Variants in OCA2 observed in about 807,000 individuals in gnomAD.
The protein encoded by OCA2 is P protein.
In OCA2, 77 loss-of-function variants were observed where a neutral mutation model predicts 100.2. The ratio of observed to expected loss-of-function variants is 0.77; its 90% CI spans 0.64 to 0.93. The LOEUF is 0.93. OCA2 is among the 40% of genes least tolerant of loss of function. The probability of loss-of-function intolerance (pLI) is 0.00; values close to 1 mark genes in which losing one functional copy is unlikely to be tolerated. For synonymous variants in OCA2, 432 were observed against 439.2 expected (o/e 0.98, Z 0.21); for missense variants, 1,062 against 1,089.1 (o/e 0.98, Z 0.35).
At chr15:27,867,904 G>A (rs1397918251) in intron 21 of OCA2, among the ~76,000 whole-genome samples, 1 of 152,182 alleles carries the variant, frequency 6.6e-6, no homozygotes, top group African/African-American at 2.4e-5. Flanking sequence ...ATAAATAAAT[G>A]TGAAGCTCCT....
intron 1 of OCA2, 136 bp from the exon 2 acceptor site, chr15:28,082,031 G>T: frequency 1.4e-6 from 1 of 726,346 alleles, no homozygotes; most frequent in South Asian, 1.7e-5. Context: ...CCACGCAAGA[G>T]CATTTCACCC....
chr15:28,055,124 C>T (rs931412943), intron 2 of OCA2, among the ~76,000 whole-genome samples: 12 of 152,168 alleles, frequency 7.9e-5, no homozygotes, highest in African/African-American at 2.9e-4. Flanking sequence ...TGTCCACTTT[C>T]GTAACATGGG....
rs1265546727 is a variant in OCA2 at position 27,957,501 on chromosome 15, A to C, written c.1784+87T>G. On this transcript the variant is annotated intron_variant, in intron 16 of 23. Coordinates refer to ENST00000354638, the MANE Select transcript of OCA2 (RefSeq NM_000275.3). This position sits in a 1 kb window ranked among gnomAD's most constrained non-coding sequence, Gnocchi z 4.3. ...GTGCGTCACCTAAATATCACGTATT[A>C]GTATACAGCTAATGTCGCTATTTTG... The C allele has an allele frequency of 7.6e-6, 11 of 1,438,922 alleles. No individual in the cohort carries two copies. The highest frequency in any genetic ancestry group is 4.2e-5 in the African/African-American group (3 of 71,606). 89.1% of individuals were successfully genotyped at this position (1,438,922 alleles called of 1,614,324 possible).
At chr15:27,947,935 C>T (rs1480563199) in intron 18 of OCA2, among the ~76,000 whole-genome samples, 2 of 152,128 alleles carry the variant, frequency 1.3e-5, no homozygotes, top group South Asian at 2.1e-4. Flanking sequence ...TCAGGCTGTG[C>T]CCCAGGCTGG....
chr15:27,854,606 T>C (rs958446947), intron 21 of OCA2, among the ~76,000 whole-genome samples: 1 of 152,220 alleles, frequency 6.6e-6, no homozygotes, highest in Admixed American at 6.5e-5. Flanking sequence ...TGAGGCACTT[T>C]TCAAGCTTTG....
At position 28,081,764 on chromosome 15, in the gene OCA2, C is replaced by T. The variant is rs41309258; in HGVS notation, c.111G>A (p.Arg37=). 7 of 1,613,360 alleles carry T rather than the reference C, an allele frequency of 4.3e-6. No individual in the cohort carries two copies. The Admixed American group carries it at 1.2e-4, about 27-fold the overall frequency. ...CAGCTCCACCGGCTCCCCGAGGAAG[C>T]CTGCGCTTGCCGGCCACAAGTTCAG... The part of the protein sequence containing the change: ...GLAELVAGKR[R]LPRGAGGADP... Residue 37 remains arginine, a synonymous_variant, in exon 2 of 24, where the codon AGG becomes AGA. Coordinates refer to ENST00000354638, the MANE Select transcript of OCA2 (RefSeq NM_000275.3).
At chr15:28,072,129 A>C (rs1317622642) in intron 2 of OCA2, among the ~76,000 whole-genome samples, 2 of 149,814 alleles carry the variant, frequency 1.3e-5, no homozygotes, top group African/African-American at 4.9e-5. Context: ...GCACTTTGGG[A>C]GGCCGAAGCG....
chr15:27,722,666 C>T, the OCA2 span, among the ~76,000 whole-genome samples: 1,562 of 140,594 alleles, frequency 0.011, 24 homozygotes, highest in African/African-American at 0.039. Flanking sequence ...CTCTTTCTTT[C>T]CTTTCTTTTC....
intron 15 of OCA2, among the ~76,000 whole-genome samples, chr15:27,966,050 A>G (rs1284504569): frequency 6.6e-6 from 1 of 152,160 alleles, no homozygotes; most frequent in African/African-American, 2.4e-5. Context: ...GGCTCACTGC[A>G]ACCTCCACCT....
intron 19 of OCA2, among the ~76,000 whole-genome samples, chr15:27,882,953 C>T (rs890258200): frequency 7.9e-5 from 12 of 152,224 alleles, no homozygotes; most frequent in African/African-American, 2.4e-4. Context: ...GTTCTAACCT[C>T]AGCCAGTCAT....
chr15:28,034,593 T>C (rs1227124657), intron 2 of OCA2, among the ~76,000 whole-genome samples: 1 of 152,068 alleles, frequency 6.6e-6, no homozygotes, highest in Admixed American at 6.5e-5. Flanking sequence ...CTGGGCAACA[T>C]AGCAAAACCC....
At chr15:27,722,824 C>CTCTCTCTTTCTCTCTT in the OCA2 span, among the ~76,000 whole-genome samples, 1 of 147,786 alleles carries the variant, frequency 6.8e-6, no homozygotes, top group East Asian at 2.0e-4. Context: ...TTCTCTCTCT[C>CTCTCTCTTTCTCTCTT]TCTCTCTTTC....
At chr15:27,847,589 G>T (rs766066690) in intron 22 of OCA2, among the ~76,000 whole-genome samples, 115 of 152,184 alleles carry the variant, frequency 7.6e-4, no homozygotes, top group Non-Finnish European at 1.5e-3. Context: ...GGAGGCCCTG[G>T]AGAGGCCCCG....
intron 19 of OCA2, among the ~76,000 whole-genome samples, chr15:27,884,565 G>A (rs917803313): frequency 2.0e-5 from 3 of 152,044 alleles, no homozygotes; most frequent in Admixed American, 1.3e-4. Context: ...GAAAAGCTAG[G>A]TGACCACTCT....
intron 18 of OCA2, among the ~76,000 whole-genome samples, chr15:27,933,669 C>CA (rs1351600882): frequency 6.6e-6 from 1 of 152,152 alleles, no homozygotes. Context: ...GCGGGAGTCA[C>CA]AACGTGCATG....
At chr15:28,077,398 A>C (rs2044467605) in intron 2 of OCA2, among the ~76,000 whole-genome samples, 1 of 152,134 alleles carries the variant, frequency 6.6e-6, no homozygotes, top group African/African-American at 2.4e-5. Context: ...AGCATATTAG[A>C]TTAAAAAATT....
chr15:27,950,302 T>A (rs192887821), intron 18 of OCA2, among the ~76,000 whole-genome samples: 1,539 of 152,312 alleles, frequency 0.01, 27 homozygotes, highest in African/African-American at 0.035. Flanking sequence ...ACTAGTTTTT[T>A]AAATTTGTTT....
chr15:27,730,639 A>T, the OCA2 span, among the ~76,000 whole-genome samples: 1 of 150,756 alleles, frequency 6.6e-6, no homozygotes, highest in Non-Finnish European at 1.5e-5. Flanking sequence ...CTCCGTCACC[A>T]TTTGCCTCAT....
intron 21 of OCA2, among the ~76,000 whole-genome samples, chr15:27,863,656 C>A (rs1448012585): frequency 6.6e-6 from 1 of 152,172 alleles, no homozygotes; most frequent in Non-Finnish European, 1.5e-5. Flanking sequence ...CATGGCCACG[C>A]TGGGTCCCCT....
Sources: gnomAD v4.1 joint callset for allele counts (sites outside exome capture counted in the v4.1 genomes callset) on GRCh38, gnomAD v4.1.1 for gene constraint, Gnocchi (gnomAD v3.1) non-coding constraint, MANE v1.5 for transcripts, NCBI Gene and HGNC (gene_info 2026-07-23, HGNC 2026-07-21) for gene names.